Variants in ELP6 observed in about 807,000 individuals in gnomAD.
The protein encoded by ELP6 is elongator complex protein 6.
ELP6 carries 23 observed loss-of-function variants against 28.1 expected under a neutral mutation model. The ratio of observed to expected loss-of-function variants is 0.82; its 90% CI spans 0.59 to 1.16. ELP6 has a LOEUF of 1.16. Among genes scored for constraint, ELP6 ranks in the 50% most tolerant of loss-of-function variants. ELP6 has a pLI of 0.00. For synonymous variants in ELP6, 132 were observed against 135.8 expected (o/e 0.97, Z 0.19); for missense variants, 313 against 334.6 (o/e 0.94, Z 0.50).
chr3:47,501,697 GC>G lies in ELP6; in HGVS notation c.477del (p.Leu160Ter). 6.2e-7 allele frequency: 1 copy of G among 1,613,988 alleles called. No individual in the cohort carries two copies. Among genetic ancestry groups the G allele is most frequent in the Non-Finnish European group, 8.5e-7 (1 of 1,179,978 alleles). On this transcript the variant is annotated frameshift_variant, in exon 5 of 7. Transcript: ENST00000296149. LOFTEE classifies it high-confidence loss of function. ...LLSLGMGAVA[V>X]LDFIHYCRAT... ...GCTCTGCAGTAGTGAATGAAGTCTA[GC>G]ACAGCCACCGCCCCCATGCCCAGGC...
chr3:47,502,687 T>A (rs1427866714), intron 4 of ELP6: 8 of 381,572 alleles, frequency 2.1e-5, no homozygotes, highest in Admixed American at 6.5e-5. Context: ...AAAATTTTTT[T>A]AAATTAGCCA....
rs1345038548 is a variant in ELP6 at position 47,501,696 on chromosome 3, A to C, written c.479T>G (p.Leu160Arg). The C allele has an allele frequency of 6.2e-7, 1 of 1,614,074 alleles. No individual in the cohort carries two copies. ...GGCTCTGCAGTAGTGAATGAAGTCT[A>C]GCACAGCCACCGCCCCCATGCCCAG... ...LSLGMGAVAV[L>R]DFIHYCRATV... The change falls in exon 5 of 7, where the codon CTA becomes CGA. Residue 160 changes from leucine (L) to arginine (R), a missense_variant. Transcript: ENST00000296149.
chr3:47,502,977 C>A, intron 4 of ELP6: 5 of 957,950 alleles, frequency 5.2e-6, no homozygotes, highest in Non-Finnish European at 5.0e-6. Context: ...TCCGTCTTCT[C>A]CAGTGACTAC....
intron 5 of ELP6, chr3:47,499,781 G>A (rs1014926312): frequency 9.5e-6 from 10 of 1,052,824 alleles, no homozygotes; most frequent in East Asian, 2.0e-4. Context: ...TGGCCAGGCC[G>A]GGGTCTGAGT....
intron 3 of ELP6, 87 bp from the exon 4 acceptor site, chr3:47,504,535 C>T: frequency 6.9e-7 from 1 of 1,443,168 alleles, no homozygotes; most frequent in African/African-American, 1.4e-5. Flanking sequence ...CATAAGACAC[C>T]TTCCAAACTT....
intron 3 of ELP6, among the ~76,000 whole-genome samples, chr3:47,507,052 T>G (rs985253622): frequency 1.3e-5 from 2 of 152,088 alleles, no homozygotes; most frequent in Middle Eastern, 3.2e-3. Flanking sequence ...AGAAACCCTT[T>G]AAGATACCTG....
At chr3:47,510,347 T>C (rs1212111379) in intron 2 of ELP6, 93 bp from the exon 3 acceptor site, 1 of 1,036,548 alleles carries the variant, frequency 9.6e-7, no homozygotes. Context: ...CTGAGGCAAA[T>C]CTAGAGACCC....
At chr3:47,512,819 G>C (rs2029895599) in intron 1 of ELP6, 8 of 964,620 alleles carry the variant, frequency 8.3e-6, no homozygotes, top group Non-Finnish European at 9.9e-6. Flanking sequence ...GTGGCGGTTA[G>C]GAAGCTCGCC....
chr3:47,513,489 C>T (rs986157191), intron 1 of ELP6, 48 bp downstream of exon 1: 6 of 1,596,778 alleles, frequency 3.8e-6, no homozygotes, highest in South Asian at 2.2e-5. Context: ...TGCAGTATTC[C>T]GCTGCCCTGC....
chr3:47,501,581 G>C (rs1708652176), intron 5 of ELP6, 69 bp downstream of exon 5: 2 of 1,481,188 alleles, frequency 1.4e-6, no homozygotes, highest in South Asian at 1.1e-5. Flanking sequence ...CAGCAAGCAA[G>C]TGAGGTCTGG....
chr3:47,498,187 TC>T (rs760141148), intron 6 of ELP6, 98 bp downstream of exon 6: 17 of 1,508,792 alleles, frequency 1.1e-5, no homozygotes, highest in Middle Eastern at 1.7e-4. Context: ...TGAAGTCATG[TC>T]CCAACCAGAC....
rs183239069 is a variant in ELP6, at chr3:47,502,680, A to T, written c.324-829T>A. 2.3e-3 allele frequency: 1,028 copies of T among 437,868 alleles called. 8 individuals are homozygous for T. The highest frequency in any genetic ancestry group is 0.02 in the African/African-American group (915 of 46,876). The allele number at this position is 437,868 out of a possible 1,614,324, so 27.1% of individuals were successfully genotyped here. On this transcript the variant is annotated intron_variant, in intron 4 of 6. Transcript: ENST00000296149. ...TGGGACTATACCTCTACAAAAAAAAATTTTTTTAAATTAGCCAGGCATGGT... is the reference window on the plus strand; with the variant it reads ...TGGGACTATACCTCTACAAAAAAAATTTTTTTTAAATTAGCCAGGCATGGT...
At chr3:47,512,321 G>GGTCA (rs1709039006) in intron 1 of ELP6, 2 of 156,994 alleles carry the variant, frequency 1.3e-5, no homozygotes, top group Non-Finnish European at 2.8e-5. Flanking sequence ...GATCACCTGA[G>GGTCA]GTCAGGAGTT....
intron 3 of ELP6, among the ~76,000 whole-genome samples, chr3:47,509,679 A>G (rs2108130320): frequency 6.6e-6 from 1 of 152,290 alleles, no homozygotes; most frequent in South Asian, 2.1e-4. Context: ...ATTAACATCT[A>G]CAAACAGCAG....
rs906295497 is a variant in ELP6 at position 47,498,640 on chromosome 3, A to C, written c.526-208T>G. The C allele has an allele frequency of 4.1e-6, 4 of 985,310 alleles. No homozygotes were observed. In the East Asian group the frequency reaches 4.5e-4, roughly 112 times the overall value. The allele number at this position is 985,310 out of a possible 1,614,324, so 61.0% of individuals were successfully genotyped here. A position where few individuals can be genotyped will look rare whatever the true frequency, so the allele number is the denominator to read the frequency against. On this transcript the variant is annotated intron_variant, in intron 5 of 6. Coordinates refer to ENST00000296149, the MANE Select transcript of ELP6 (RefSeq NM_001031703.3). ...CTTCACCCATATTTCACCCATAATG[A>C]GCCAACCCATATTTTCAGCTCACTT...
chr3:47,506,223 A>G (rs911097409), intron 3 of ELP6, among the ~76,000 whole-genome samples: 1 of 152,210 alleles, frequency 6.6e-6, no homozygotes, highest in Non-Finnish European at 1.5e-5. Flanking sequence ...GTAATAGAAT[A>G]TCACAAGGCA....
At position 47,495,835 on chromosome 3, in the gene ELP6, A is replaced by G. The variant is rs1451519558; in HGVS notation, c.*234T>C. On this transcript the variant is annotated 3_prime_UTR_variant, in exon 7 of 7. Transcript: ENST00000296149. ...CAAAGGACCCCTTTCACTTGGGTCT[A>G]GCATCCAGCCTCTCTCTCAGCAAAG... The G allele has an allele frequency of 3.2e-5, 18 of 563,648 alleles. No individual in the cohort carries two copies. Among genetic ancestry groups the G allele is most frequent in the Non-Finnish European group, 2.9e-6 (1 of 348,766 alleles). The allele number at this position is 563,648 out of a possible 1,614,324, so 34.9% of individuals were successfully genotyped here. A position where few individuals can be genotyped will look rare whatever the true frequency, so the allele number is the denominator to read the frequency against.
In ELP6 at chr3:47,513,270, G is replaced by T. The variant is rs1293422684; in HGVS notation, c.54+267C>A. 36 of 1,326,510 alleles carry T rather than the reference G, an allele frequency of 2.7e-5. 1 individual carries two copies. In the Admixed American group the frequency reaches 1.3e-3, roughly 50 times the overall value. The allele number at this position is 1,326,510 out of a possible 1,614,324, so 82.2% of individuals were successfully genotyped here. On this transcript the variant is annotated intron_variant, in intron 1 of 6. Transcript: ENST00000296149. ...GCCTCCCAAACTGCTGGGATTACAG[G>T]GGTGAGCCACCGCGCCCGGCCGCTT...
At chr3:47,498,774 A>G in intron 5 of ELP6, 2 of 933,632 alleles carry the variant, frequency 2.1e-6, no homozygotes, top group Non-Finnish European at 2.6e-6. Context: ...ACAGTTCCTG[A>G]ATACTTAAGA....
Sources: allele counts gnomAD v4.1 joint callset (sites outside exome capture counted in the v4.1 genomes callset), GRCh38; gene constraint gnomAD v4.1.1; transcripts MANE v1.5; gene names NCBI Gene and HGNC (gene_info 2026-07-23, HGNC 2026-07-21).